DCC: variants seen among roughly 807,000 people sequenced by gnomAD.
DCC encodes DCC netrin 1 receptor.
DCC carries 58 observed loss-of-function variants against 172.5 expected under a neutral mutation model. The ratio of observed to expected loss-of-function variants is 0.34; its 90% confidence interval spans 0.27 to 0.42. The LOEUF is 0.42. Among genes scored for constraint, DCC ranks in the 10% least tolerant of loss-of-function variants. The pLI, the probability that DCC is intolerant of heterozygous loss-of-function variation, is 1.00. For missense variants in DCC, 1,740 were observed against 1,791.0 expected, an observed-to-expected ratio of 0.97 and a Z score of 0.51; for synonymous variants, 709 against 644.5, an observed-to-expected ratio of 1.10 and a Z score of -1.52.
chr18:52,846,888 G>A (rs190254972), intron 2 of DCC, among the ~76,000 whole-genome samples: 76 of 152,158 alleles, frequency 5.0e-4, no homozygotes, highest in African/African-American at 1.7e-3. Context: ...GGCAGGGGGC[G>A]AGCACATGGA....
At chr18:53,322,514 A>G (rs1159380704) in intron 14 of DCC, among the ~76,000 whole-genome samples, 1 of 152,134 alleles carries the variant, frequency 6.6e-6, no homozygotes, top group East Asian at 1.9e-4. Context: ...GTAATCATGA[A>G]CTATAACTAT....
At chr18:53,187,725 C>T (rs543100123) in intron 9 of DCC, among the ~76,000 whole-genome samples, 1 of 152,270 alleles carries the variant, frequency 6.6e-6, no homozygotes, top group East Asian at 1.9e-4. Context: ...TTTTCTTTAA[C>T]TCCAATGTTC....
intron 7 of DCC, among the ~76,000 whole-genome samples, chr18:53,135,253 C>T (rs1197513684): frequency 1.3e-5 from 2 of 152,038 alleles, no homozygotes; most frequent in African/African-American, 4.8e-5. Flanking sequence ...ATAAAAAAGC[C>T]TCCTTCCAGA....
chr18:53,329,615 G>A (rs1432270231), intron 14 of DCC, among the ~76,000 whole-genome samples: 1 of 152,002 alleles, frequency 6.6e-6, no homozygotes, highest in Non-Finnish European at 1.5e-5. Flanking sequence ...TGAGTAAATA[G>A]CAAGTTACAT....
chr18:52,731,513 G>A (rs2036642207), intron 1 of DCC, among the ~76,000 whole-genome samples: 1 of 152,196 alleles, frequency 6.6e-6, no homozygotes, highest in Non-Finnish European at 1.5e-5. Flanking sequence ...TATAGTGAAA[G>A]GGTTTAGGAC....
chr18:52,500,099 C>T (rs538216179), intron 1 of DCC, among the ~76,000 whole-genome samples: 25 of 151,076 alleles, frequency 1.7e-4, no homozygotes, highest in Middle Eastern at 3.5e-3. Flanking sequence ...GTTCTGGAAA[C>T]GTTATTTTCA....
At chr18:53,112,597 C>T (rs2043348493) in intron 7 of DCC, among the ~76,000 whole-genome samples, 4 of 151,476 alleles carry the variant, frequency 2.6e-5, no homozygotes, top group Admixed American at 2.6e-4. Flanking sequence ...AATCCATAAG[C>T]TATAACATTT....
intron 12 of DCC, among the ~76,000 whole-genome samples, chr18:53,260,698 T>A (rs1169486638): frequency 6.6e-6 from 1 of 152,128 alleles, no homozygotes; most frequent in Non-Finnish European, 1.5e-5. Flanking sequence ...TCTCCAGCCA[T>A]GTGCTGGGAG....
chr18:52,664,476 CTTT>C (rs374796439), intron 1 of DCC, among the ~76,000 whole-genome samples: 1 of 112,464 alleles, frequency 8.9e-6, no homozygotes, highest in Admixed American at 1.1e-4. Context: ...TTTTCTTTTT[CTTT>C]TTTTTTTTTT....
rs139095899 is a variant in DCC at position 53,468,772 on chromosome 18, A to T, written c.3736+762A>T. 1.2e-3 allele frequency among the ~76,000 whole-genome samples: 180 copies of T among 152,242 alleles called. 2 individuals are homozygous for T. The East Asian group carries it at 0.03, about 25-fold the overall frequency. ...TTAAAGCAGATGTTGACAGACACCC[A>T]CTTACTACACACCCCTTGTTGAAGT... is the stretch of plus-strand genomic sequence containing the variant. On this transcript the variant is annotated intron_variant, in intron 25 of 28. Coordinates refer to ENST00000442544, the MANE Select transcript of DCC (RefSeq NM_005215.4).
intron 14 of DCC, among the ~76,000 whole-genome samples, chr18:53,333,209 A>AG (rs1487078189): frequency 5.3e-5 from 8 of 152,236 alleles, no homozygotes; most frequent in Non-Finnish European, 7.3e-5. Context: ...TATAGAGGTG[A>AG]GCGGCCTAAG....
chr18:52,832,878 C>T (rs1278471704), intron 2 of DCC, among the ~76,000 whole-genome samples: 2 of 152,012 alleles, frequency 1.3e-5, no homozygotes, highest in Non-Finnish European at 2.9e-5. Flanking sequence ...TGAATTGGTC[C>T]CCTCAAAGAC....
chr18:53,528,133 T>C (rs753158723), intron 28 of DCC, among the ~76,000 whole-genome samples: 9 of 152,168 alleles, frequency 5.9e-5, no homozygotes, highest in Non-Finnish European at 1.3e-4. Context: ...ATAAAAATTA[T>C]ACTTTCTTTT....
chr18:53,321,482 A>G (rs2057410828), intron 13 of DCC, among the ~76,000 whole-genome samples: 1 of 152,182 alleles, frequency 6.6e-6, no homozygotes, highest in African/African-American at 2.4e-5. Flanking sequence ...ATTGTGCACA[A>G]TATTATGCCA....
At chr18:52,576,972 C>T (rs1416197174) in intron 1 of DCC, among the ~76,000 whole-genome samples, 1 of 152,094 alleles carries the variant, frequency 6.6e-6, no homozygotes, top group Non-Finnish European at 1.5e-5. Context: ...ATTTTTCTTA[C>T]TGTATAATAT....
chr18:52,985,254 A>G (rs1322770934), intron 5 of DCC, among the ~76,000 whole-genome samples: 1 of 152,040 alleles, frequency 6.6e-6, no homozygotes, highest in African/African-American at 2.4e-5. Flanking sequence ...TTTGATATTC[A>G]TAAGCAATGT....
intron 7 of DCC, among the ~76,000 whole-genome samples, chr18:53,130,866 A>G (rs891564001): frequency 6.6e-5 from 10 of 151,126 alleles, no homozygotes; most frequent in African/African-American, 2.4e-4. Flanking sequence ...TTTTTTCTCG[A>G]TTTCTGTGTT....
intron 1 of DCC, among the ~76,000 whole-genome samples, chr18:52,596,675 C>T (rs2144808524): frequency 6.6e-6 from 1 of 152,292 alleles, no homozygotes; most frequent in East Asian, 1.9e-4. Context: ...CAGAATAGAA[C>T]TATTTGGTGA....
At chr18:52,355,993 A>C (rs1407484541) in intron 1 of DCC, among the ~76,000 whole-genome samples, 1 of 152,210 alleles carries the variant, frequency 6.6e-6, no homozygotes, top group African/African-American at 2.4e-5. Flanking sequence ...ACTTCACTGC[A>C]GAAAGCTTCT....
Sources: allele counts gnomAD v4.1 joint callset (sites outside exome capture counted in the v4.1 genomes callset), GRCh38; gene constraint gnomAD v4.1.1; transcripts MANE v1.5; gene names NCBI Gene and HGNC (gene_info 2026-07-23, HGNC 2026-07-21).